Variants in PLXNA4 observed in about 807,000 individuals in gnomAD.
PLXNA4 encodes the protein plexin A4.
A neutral mutation model predicts 191.8 loss-of-function variants in PLXNA4; 44 were observed. The ratio of observed to expected loss-of-function variants is 0.23; its 90% CI spans 0.18 to 0.29. The LOEUF is 0.29. Ranked by LOEUF, PLXNA4 falls within the 10% of genes least tolerant of loss-of-function variation. The probability of loss-of-function intolerance (pLI) is 1.00; values close to 1 mark genes in which losing one functional copy is unlikely to be tolerated. For synonymous variants in PLXNA4, 1,082 were observed against 1,009.5 expected, an observed-to-expected ratio of 1.07 and a Z score of -1.36; for missense variants, 1,800 against 2,488.8, an observed-to-expected ratio of 0.72 and a Z score of 5.89.
intron 4 of PLXNA4, among the ~76,000 whole-genome samples, chr7:132,261,315 T>C (rs1028919014): frequency 2.0e-5 from 3 of 152,170 alleles, no homozygotes; most frequent in African/African-American, 7.2e-5. Context: ...AAAAGGCTAC[T>C]CAGTAAAATT....
chr7:132,485,890 G>T (rs533957743), intron 3 of PLXNA4, among the ~76,000 whole-genome samples: 1 of 152,024 alleles, frequency 6.6e-6, no homozygotes, highest in African/African-American at 2.4e-5. Flanking sequence ...GTGAAATTAC[G>T]GTCGTCAAAG....
rs1007269173 is a variant in PLXNA4 at position 132,228,240 on chromosome 7, G to A, written c.1728+106C>T. 78 of 1,468,738 alleles carry A rather than the reference G, an allele frequency of 5.3e-5. 2 individuals carry two copies. The highest frequency in any genetic ancestry group is 3.6e-4 in the African/African-American group (26 of 71,574). The allele number at this position is 1,468,738 out of a possible 1,614,324, so 91.0% of individuals were successfully genotyped here. On this transcript the variant is annotated intron_variant, in intron 6 of 31. Transcript: ENST00000321063. ...TTCTCTTGAGCTGCTTCTGCTGGCC[G>A]GGCTTGGCCCAGTCCTCCAGAGGGG...
intron 3 of PLXNA4, among the ~76,000 whole-genome samples, chr7:132,348,532 T>G (rs913583977): frequency 6.6e-6 from 1 of 152,214 alleles, no homozygotes; most frequent in Non-Finnish European, 1.5e-5. Context: ...TCACCGTATT[T>G]GTACAACAGG....
At chr7:132,265,455 T>C (rs1450068224) in intron 4 of PLXNA4, among the ~76,000 whole-genome samples, 2 of 152,146 alleles carry the variant, frequency 1.3e-5, no homozygotes, top group African/African-American at 4.8e-5. Flanking sequence ...TTGAATATGG[T>C]CAATTGGCAT....
At chr7:132,425,493 C>T (rs1432611405) in intron 3 of PLXNA4, among the ~76,000 whole-genome samples, 1 of 152,066 alleles carries the variant, frequency 6.6e-6, no homozygotes, top group African/African-American at 2.4e-5. Context: ...GAACCCCAGG[C>T]CCCTCCTGGC....
At chr7:132,646,371 T>C (rs1447421437) in intron 1 of PLXNA4, among the ~76,000 whole-genome samples, 1 of 152,194 alleles carries the variant, frequency 6.6e-6, no homozygotes, top group African/African-American at 2.4e-5. Context: ...CTCCCTGTTA[T>C]GGACTGAATG....
intron 5 of PLXNA4, among the ~76,000 whole-genome samples, chr7:132,233,859 AC>A (rs1283349916): frequency 6.6e-6 from 1 of 152,242 alleles, no homozygotes; most frequent in Non-Finnish European, 1.5e-5. Context: ...AATCTATTGA[AC>A]AAAACCTTAG....
At chr7:132,166,088 T>G (rs1315488652) in intron 22 of PLXNA4, among the ~76,000 whole-genome samples, 1 of 151,922 alleles carries the variant, frequency 6.6e-6, no homozygotes, top group African/African-American at 2.4e-5. Flanking sequence ...CCCCAGCTAC[T>G]TGGGAGGCTG....
chr7:132,615,660 A>C (rs1225857338), intron 2 of PLXNA4, among the ~76,000 whole-genome samples: 1 of 152,002 alleles, frequency 6.6e-6, no homozygotes, highest in Non-Finnish European at 1.5e-5. Context: ...TCTGCGGCCC[A>C]TTGGAGTGAG....
In PLXNA4 at chr7:132,439,237, A is replaced by C. The variant is rs1585136570; in HGVS notation, c.1371+50055T>G. Among the ~76,000 whole-genome samples the C allele has an allele frequency of 2.0e-5, 3 of 151,944 alleles. No individual in the cohort carries two copies. The South Asian group carries it at 6.2e-4, about 32-fold the overall frequency. ...CGTGGCCCACAGGTGCAACAAACCC[A>C]CCTTGCTTGGGCTCTGCAACCATAG... is the stretch of plus-strand genomic sequence containing the variant. On this transcript the variant is annotated intron_variant, in intron 3 of 31. Coordinates refer to ENST00000321063, the MANE Select transcript of PLXNA4 (RefSeq NM_020911.2).
chr7:132,347,436 C>T (rs1318389347), intron 3 of PLXNA4, among the ~76,000 whole-genome samples: 5 of 152,148 alleles, frequency 3.3e-5, no homozygotes, highest in Admixed American at 2.6e-4. Flanking sequence ...TGTTCAAAAG[C>T]CGGCATGTGT....
chr7:132,177,042 AGT>A lies in PLXNA4; in HGVS notation c.3875-2124_3875-2123del, dbSNP rs764732323. The stretch of plus-strand genomic sequence containing the variant: ...AAGTGTGAGTGTGTAAGTATATGTC[AGT>A]GTGTGTGTACGAATGTGAGTACATG... On this transcript the variant is annotated intron_variant, in intron 20 of 31. Coordinates refer to ENST00000321063, the MANE Select transcript of PLXNA4 (RefSeq NM_020911.2). Among the ~76,000 whole-genome samples, 38 of 150,080 alleles carry A rather than the reference AGT, an allele frequency of 2.5e-4. 1 individual carries two copies. The highest frequency in any genetic ancestry group is 1.4e-3 in the East Asian group (7 of 5,122).
intron 3 of PLXNA4, among the ~76,000 whole-genome samples, chr7:132,400,661 C>T (rs768263423): frequency 3.9e-5 from 6 of 152,150 alleles, no homozygotes; most frequent in Admixed American, 6.5e-5. Context: ...GGGTACCATC[C>T]GTATGCATAC....
At chr7:132,145,527 C>T in intron 28 of PLXNA4, 1 of 530,914 alleles carries the variant, frequency 1.9e-6, no homozygotes, top group Non-Finnish European at 3.3e-6. Context: ...CTACGTAAGG[C>T]TTCCTCTGCC....
chr7:132,224,697 G>A (rs187733379), intron 8 of PLXNA4, among the ~76,000 whole-genome samples: 15 of 152,314 alleles, frequency 9.8e-5, no homozygotes, highest in East Asian at 3.9e-4. Flanking sequence ...TTAGGCCACC[G>A]AGTGGTAAAG....
At chr7:132,383,740 C>G (rs1023036413) in intron 3 of PLXNA4, 1 of 984,398 alleles carries the variant, frequency 1.0e-6, no homozygotes, top group South Asian at 4.7e-5. Flanking sequence ...TGATTATTAC[C>G]CTTGAAACAA....
chr7:132,430,795 T>C (rs372730146), intron 3 of PLXNA4, among the ~76,000 whole-genome samples: 2 of 152,134 alleles, frequency 1.3e-5, no homozygotes, highest in African/African-American at 2.4e-5. Context: ...GATGGTTGGG[T>C]GGCAATGAGA....
At chr7:132,341,449 T>C (rs1429053363) in intron 3 of PLXNA4, among the ~76,000 whole-genome samples, 1 of 152,224 alleles carries the variant, frequency 6.6e-6, no homozygotes, top group Non-Finnish European at 1.5e-5. Context: ...TTAGAATTGC[T>C]AATATATAGT....
At chr7:132,131,379 T>A (rs1161131080) in intron 31 of PLXNA4, among the ~76,000 whole-genome samples, 1 of 152,092 alleles carries the variant, frequency 6.6e-6, no homozygotes, top group Non-Finnish European at 1.5e-5. Context: ...GAATGACTAA[T>A]CCACCTCCAG....
Sources: gnomAD v4.1 joint callset for allele counts (sites outside exome capture counted in the v4.1 genomes callset) on GRCh38, gnomAD v4.1.1 for gene constraint, MANE v1.5 for transcripts, NCBI Gene and HGNC (gene_info 2026-07-23, HGNC 2026-07-21) for gene names.